Variants in BRDT observed in about 807,000 individuals in gnomAD.
BRDT encodes the protein bromodomain testis associated.
A neutral mutation model predicts 113.9 loss-of-function variants in BRDT; 77 were observed. The observed-to-expected ratio is 0.68, with a 90% CI of 0.56 to 0.82. BRDT has a LOEUF of 0.82. Among genes scored for constraint, BRDT ranks in the 40% least tolerant of loss-of-function variants. The probability of loss-of-function intolerance (pLI) is 0.00; values close to 1 mark genes in which losing one functional copy is unlikely to be tolerated. For synonymous variants in BRDT, 358 were observed against 366.5 expected (o/e 0.98, Z 0.26); for missense variants, 1,027 against 1,105.4 (o/e 0.93, Z 1.01).
chr1:91,990,709 T>G (rs1216059796), intron 12 of BRDT, among the ~76,000 whole-genome samples: 1 of 152,190 alleles, frequency 6.6e-6, no homozygotes, highest in East Asian at 1.9e-4. Flanking sequence ...CCTTTAGAAA[T>G]TTTAGCTGAT....
chr1:91,990,901 A>G (rs10875114), intron 12 of BRDT, among the ~76,000 whole-genome samples: 151,590 of 152,296 alleles, frequency 1, 75,446 homozygotes, highest in Middle Eastern at 1. Context: ...AGGTTTAAGC[A>G]ATTCTCCTGC....
intron 1 of BRDT, among the ~76,000 whole-genome samples, chr1:91,952,995 A>C (rs1681291967): frequency 1.3e-5 from 2 of 152,072 alleles, no homozygotes; most frequent in South Asian, 4.2e-4. Flanking sequence ...GTACATGTGC[A>C]CAACGTGCAG....
chr1:91,995,320 T>C (rs1686195099), intron 15 of BRDT, among the ~76,000 whole-genome samples: 1 of 152,118 alleles, frequency 6.6e-6, no homozygotes, highest in African/African-American at 2.4e-5. Context: ...TTCCAAGCTG[T>C]TTTGCTGCAA....
chr1:92,002,032 A>G lies in BRDT; in HGVS notation c.2288-17A>G. On this transcript the variant is annotated splice_polypyrimidine_tract_variant and intron_variant, in intron 15 of 18. Coordinates refer to ENST00000399546, the MANE Select transcript of BRDT (RefSeq NM_207189.4). Reference sequence around the variant, plus strand: ...GAAATATTTTAATTATACTATTCTAAAAATGTGTGCATCCAGGTGATTCTG... The same window carrying G: ...GAAATATTTTAATTATACTATTCTAGAAATGTGTGCATCCAGGTGATTCTG... 6.4e-7 allele frequency: 1 copy of G among 1,563,278 alleles called. No homozygotes were observed. The highest frequency in any genetic ancestry group is 1.1e-5 in the South Asian group (1 of 88,212).
chr1:91,983,211 C>T (rs1261604660), intron 12 of BRDT, among the ~76,000 whole-genome samples: 1 of 151,380 alleles, frequency 6.6e-6, no homozygotes, highest in African/African-American at 2.4e-5. Context: ...GCAATATATA[C>T]TCTCTGTTTT....
chr1:92,011,216 T>A (rs937905657), intron 18 of BRDT, among the ~76,000 whole-genome samples: 1 of 152,314 alleles, frequency 6.6e-6, no homozygotes, highest in East Asian at 1.9e-4. Flanking sequence ...ACATTTAACA[T>A]ATGGTGAAGT....
intron 18 of BRDT, among the ~76,000 whole-genome samples, chr1:92,009,790 C>T (rs778194078): frequency 1.3e-5 from 2 of 151,822 alleles, no homozygotes; most frequent in Admixed American, 6.6e-5. Flanking sequence ...AGGGTAGTCT[C>T]GAACTCCTGA....
chr1:91,964,396 A>G (rs567848256), intron 2 of BRDT, among the ~76,000 whole-genome samples: 1 of 152,014 alleles, frequency 6.6e-6, no homozygotes, highest in Non-Finnish European at 1.5e-5. Context: ...GGGTTTTGCC[A>G]TGTTGGCCAG....
At chr1:91,988,450 G>A (rs1685465868) in intron 12 of BRDT, among the ~76,000 whole-genome samples, 1 of 151,654 alleles carries the variant, frequency 6.6e-6, no homozygotes, top group African/African-American at 2.4e-5. Flanking sequence ...ATCCAGGCTG[G>A]AGTGCAGTGG....
chr1:91,969,823 GTTTTTTTT>G (rs66466350), intron 4 of BRDT, among the ~76,000 whole-genome samples: 1 of 71,730 alleles, frequency 1.4e-5, no homozygotes, highest in Non-Finnish European at 2.7e-5. Context: ...GTGTGTGTGT[GTTTTTTTT>G]TTTTTTTTTT....
At chr1:91,984,416 A>C (rs1685010458) in intron 12 of BRDT, among the ~76,000 whole-genome samples, 2 of 152,278 alleles carry the variant, frequency 1.3e-5, no homozygotes, top group South Asian at 4.1e-4. Flanking sequence ...TCTACTATAA[A>C]AATAAAGCAC....
At position 91,976,343 on chromosome 1, in the gene BRDT, C is replaced by T; in HGVS notation, c.523C>T (p.Gln175Ter). The T allele has an allele frequency of 6.2e-7, 1 of 1,612,822 alleles. No homozygotes were observed. The highest frequency in any genetic ancestry group is 1.1e-5 in the South Asian group (1 of 90,826). ...CGCAACAGAAAAAGTATTTAAGCAGCAAGAAATTCCTTCTGTATTTCCTAA... is the reference window on the plus strand; with the variant it reads ...CGCAACAGAAAAAGTATTTAAGCAGTAAGAAATTCCTTCTGTATTTCCTAA... ...PSATEKVFKQ[Q>*]EIPSVFPKTS... The change falls in exon 5 of 19, where the codon CAA becomes TAA. Residue 175 changes from glutamine (Q) to a stop codon, truncating the protein, a stop_gained. Coordinates refer to ENST00000399546, the MANE Select transcript of BRDT (RefSeq NM_207189.4). LOFTEE classifies it high-confidence loss of function.
At chr1:91,961,879 C>T (rs1388185378) in intron 1 of BRDT, among the ~76,000 whole-genome samples, 2 of 151,822 alleles carry the variant, frequency 1.3e-5, no homozygotes, top group East Asian at 1.9e-4. Context: ...CAAGGTTGGC[C>T]GGGCGCGGTG....
chr1:92,005,337 G>C (rs745597740), intron 18 of BRDT, 38 bp downstream of exon 18: 1 of 1,467,230 alleles, frequency 6.8e-7, no homozygotes, highest in Non-Finnish European at 9.0e-7. Flanking sequence ...AATTTAACAA[G>C]GGAAAGATTT....
At chr1:92,000,608 C>G (rs916897534) in intron 15 of BRDT, among the ~76,000 whole-genome samples, 3 of 152,102 alleles carry the variant, frequency 2.0e-5, no homozygotes, top group Admixed American at 2.0e-4. Flanking sequence ...AAATGTAAGT[C>G]CCTATAATAT....
chr1:92,009,234 G>C (rs1687590653), intron 18 of BRDT, among the ~76,000 whole-genome samples: 1 of 151,930 alleles, frequency 6.6e-6, no homozygotes, highest in Admixed American at 6.6e-5. Flanking sequence ...TCTGTGCCTG[G>C]CTTATTTCAC....
Position 91,979,657 on chromosome 1 carries a change from C to T in BRDT, c.1187C>T (p.Thr396Ile), listed in dbSNP as rs1473125356. 2 of 1,614,044 alleles carry T rather than the reference C, an allele frequency of 1.2e-6. No homozygotes were observed. The highest frequency in any genetic ancestry group is 1.7e-6 in the Non-Finnish European group (2 of 1,179,986). Residue 396 changes from threonine (T) to isoleucine (I), a missense_variant, in exon 8 of 19, where the codon ACC (threonine) becomes ATC (isoleucine). Physicochemically the swap from Thr to Ile is moderately conservative, Grantham distance 89. Transcript: ENST00000399546. Reference protein sequence around the residue: ...LCYIKTDITETTGRENTNEAS... With the variant: ...LCYIKTDITEITGRENTNEAS... The stretch of plus-strand genomic sequence containing the variant: ...TACATCAAAACAGATATCACAGAAA[C>T]CACTGGTAGAGAGAACACTAATGAA...
At chr1:91,963,880 C>CT (rs755535465) in intron 2 of BRDT, among the ~76,000 whole-genome samples, 3,063 of 139,742 alleles carry the variant, frequency 0.022, 54 homozygotes, top group African/African-American at 0.048. Flanking sequence ...AGAATATGGC[C>CT]TTTTTTTTTT....
chr1:92,003,939 T>C (rs111718940), intron 16 of BRDT, among the ~76,000 whole-genome samples: 2,612 of 152,262 alleles, frequency 0.017, 42 homozygotes, highest in Non-Finnish European at 0.023. Context: ...GTCACATCAC[T>C]TAAGTTTTTT....
Sources: gnomAD v4.1 joint callset for allele counts (sites outside exome capture counted in the v4.1 genomes callset) on GRCh38, gnomAD v4.1.1 for gene constraint, MANE v1.5 for transcripts, NCBI Gene and HGNC (gene_info 2026-07-23, HGNC 2026-07-21) for gene names.